GPA33: variants seen among roughly 807,000 people sequenced by gnomAD.
GPA33 encodes the protein glycoprotein A33, also known as cell surface A33 antigen.
A neutral mutation model predicts 35.6 loss-of-function variants in GPA33; 27 were observed. That is an observed-to-expected ratio of 0.76 (90% CI 0.56 to 1.04). The LOEUF (loss-of-function observed/expected upper bound fraction) is 1.04. Ranked by LOEUF, GPA33 falls within the 50% of genes least tolerant of loss-of-function variation. The pLI, the probability that GPA33 is intolerant of heterozygous loss-of-function variation, is 0.00. For synonymous variants in GPA33, 176 were observed against 164.0 expected, an observed-to-expected ratio of 1.07 and a Z score of -0.56; for missense variants, 428 against 411.9, an observed-to-expected ratio of 1.04 and a Z score of -0.34.
intron 3 of GPA33, 40 bp downstream of exon 3, chr1:167,068,882 C>T: frequency 1.3e-6 from 2 of 1,525,432 alleles, no homozygotes; most frequent in Non-Finnish European, 1.8e-6. Context: ...CACCTGCCCA[C>T]CCTCTTCCTA....
At chr1:167,074,906 CTTTTTT>C (rs774982628) in intron 1 of GPA33, among the ~76,000 whole-genome samples, 1 of 121,744 alleles carries the variant, frequency 8.2e-6, no homozygotes. Context: ...ATTTGACTTA[CTTTTTT>C]TTTTTTTTTT....
chr1:167,076,926 C>T (rs1411502155), intron 1 of GPA33, among the ~76,000 whole-genome samples: 1 of 152,160 alleles, frequency 6.6e-6, no homozygotes, highest in Non-Finnish European at 1.5e-5. Context: ...CATTTGCTGG[C>T]AGGGCGCAGT....
intron 1 of GPA33, among the ~76,000 whole-genome samples, chr1:167,088,957 A>G (rs1181532124): frequency 3.3e-5 from 5 of 152,176 alleles, no homozygotes; most frequent in Admixed American, 6.5e-5. Context: ...ATGACTAATC[A>G]TTCCAGACTC....
intron 3 of GPA33, among the ~76,000 whole-genome samples, chr1:167,065,319 G>A (rs1040063362): frequency 1.3e-5 from 2 of 152,186 alleles, no homozygotes; most frequent in Non-Finnish European, 2.9e-5. Flanking sequence ...AGTGGTGGTC[G>A]GAGAAAGAGG....
chr1:167,088,315 CG>C (rs988463362), intron 1 of GPA33, among the ~76,000 whole-genome samples: 3 of 152,162 alleles, frequency 2.0e-5, no homozygotes, highest in African/African-American at 4.8e-5. Flanking sequence ...TGCTTTTGGT[CG>C]ACCTTTGAAG....
intron 1 of GPA33, among the ~76,000 whole-genome samples, chr1:167,079,461 G>A (rs1172351100): frequency 2.0e-5 from 3 of 149,742 alleles, no homozygotes; most frequent in South Asian, 2.1e-4. Flanking sequence ...CACAGCCTGG[G>A]CGACAGAGCG....
At chr1:167,059,305 CTAA>C (rs1393420145) in intron 4 of GPA33, among the ~76,000 whole-genome samples, 2 of 152,286 alleles carry the variant, frequency 1.3e-5, no homozygotes, top group South Asian at 2.1e-4. Context: ...CCGGAGAAAA[CTAA>C]TGTTTCCGCT....
At chr1:167,066,821 A>G (rs1666602571) in intron 3 of GPA33, among the ~76,000 whole-genome samples, 1 of 152,170 alleles carries the variant, frequency 6.6e-6, no homozygotes, top group Non-Finnish European at 1.5e-5. Flanking sequence ...CAGAGGCCGG[A>G]GCACCGGGTC....
chr1:167,085,165 T>A (rs1196703584), intron 1 of GPA33, among the ~76,000 whole-genome samples: 1 of 151,670 alleles, frequency 6.6e-6, no homozygotes, highest in Non-Finnish European at 1.5e-5. Flanking sequence ...GAGGTGGAGG[T>A]GGATGTAGAG....
chr1:167,073,072 C>A (rs535435572), intron 2 of GPA33, among the ~76,000 whole-genome samples: 15 of 151,184 alleles, frequency 9.9e-5, no homozygotes, highest in Admixed American at 2.0e-4. Flanking sequence ...GGAAAAAAAA[C>A]CCATAAAATT....
intron 1 of GPA33, chr1:167,082,160 C>G: frequency 2.3e-6 from 1 of 436,756 alleles, no homozygotes; most frequent in African/African-American, 2.0e-5. Context: ...CAACAGTGTC[C>G]CAGTCCTACA....
intron 3 of GPA33, among the ~76,000 whole-genome samples, chr1:167,066,324 G>A (rs1400602368): frequency 6.6e-6 from 1 of 152,184 alleles, no homozygotes; most frequent in African/African-American, 2.4e-5. Flanking sequence ...TCCAAAAACT[G>A]TTATAGCTTT....
chr1:167,086,250 C>T (rs1465695566), intron 1 of GPA33, among the ~76,000 whole-genome samples: 1 of 152,218 alleles, frequency 6.6e-6, no homozygotes, highest in Non-Finnish European at 1.5e-5. Context: ...AGCGGGGAGC[C>T]AGGCTAATTT....
At chr1:167,079,825 C>T (rs2102199165) in intron 1 of GPA33, among the ~76,000 whole-genome samples, 1 of 152,294 alleles carries the variant, frequency 6.6e-6, no homozygotes, top group Admixed American at 6.5e-5. Flanking sequence ...TTGCAATCAC[C>T]AGCTTTTTCA....
chr1:167,054,176 C>A lies in GPA33; in HGVS notation c.*158G>T, dbSNP rs1666177617. The A allele has an allele frequency of 9.5e-6, 9 of 945,806 alleles. No individual in the cohort carries two copies. The Admixed American group carries it at 1.9e-4, about 20-fold the overall frequency. The allele number at this position is 945,806 out of a possible 1,614,324, so 58.6% of individuals were successfully genotyped here. On this transcript the variant is annotated 3_prime_UTR_variant, in exon 7 of 7. Coordinates refer to ENST00000367868, the MANE Select transcript of GPA33 (RefSeq NM_005814.3). ...TCAGCACAGGGACCCCCTTACCAGG[C>A]CAGCCATGTTCCCCACAGCTGACAC... is the stretch of plus-strand genomic sequence containing the variant.
intron 4 of GPA33, among the ~76,000 whole-genome samples, chr1:167,057,073 T>G (rs1305443625): frequency 6.6e-6 from 1 of 151,752 alleles, no homozygotes; most frequent in Non-Finnish European, 1.5e-5. Context: ...TGAATGTGTG[T>G]GCTGTTGGGG....
intron 1 of GPA33, among the ~76,000 whole-genome samples, chr1:167,080,055 G>C (rs1489834695): frequency 2.0e-5 from 3 of 152,112 alleles, no homozygotes; most frequent in Non-Finnish European, 4.4e-5. Flanking sequence ...TCCTTGTATA[G>C]GTTGGCATTG....
intron 6 of GPA33, 100 bp downstream of exon 6, chr1:167,054,876 C>G (rs557173489): frequency 7.3e-7 from 1 of 1,374,312 alleles, no homozygotes; most frequent in Non-Finnish European, 1.0e-6. Flanking sequence ...GGGTGATATA[C>G]CCCAAGGGGT....
chr1:167,068,446 T>G (rs1306165571), intron 3 of GPA33, among the ~76,000 whole-genome samples: 1 of 152,234 alleles, frequency 6.6e-6, no homozygotes, highest in Non-Finnish European at 1.5e-5. Flanking sequence ...AGAACCTGAC[T>G]GATGGAGTAT....
Sources: allele counts gnomAD v4.1 joint callset (sites outside exome capture counted in the v4.1 genomes callset), GRCh38; gene constraint gnomAD v4.1.1; transcripts MANE v1.5; gene names NCBI Gene and HGNC (gene_info 2026-07-23, HGNC 2026-07-21).